The following CNTNAP2 variants were observed in gnomAD, a reference collection of about 807,000 sequenced individuals.
CNTNAP2 encodes the protein contactin associated protein 2, also known as contactin-associated protein-like 2.
Under a neutral mutation model 155.2 loss-of-function variants are expected in CNTNAP2, and 98 were observed. The ratio of observed to expected loss-of-function variants is 0.63; its 90% CI spans 0.54 to 0.75. The LOEUF is 0.75. Ranked by LOEUF, CNTNAP2 falls within the 30% of genes least tolerant of loss-of-function variation. CNTNAP2 has a pLI of 0.00. For synonymous variants in CNTNAP2, 651 were observed against 631.2 expected, an observed-to-expected ratio of 1.03 and a Z score of -0.47; for missense variants, 1,727 against 1,688.1, an observed-to-expected ratio of 1.02 and a Z score of -0.40.
intron 13 of CNTNAP2, among the ~76,000 whole-genome samples, chr7:147,814,312 A>G (rs942842585): frequency 1.3e-5 from 2 of 152,182 alleles, no homozygotes; most frequent in African/African-American, 4.8e-5. Context: ...CTTTTGTTAC[A>G]TGATTTTCAT....
At chr7:146,434,217 C>T (rs1205977076) in intron 1 of CNTNAP2, among the ~76,000 whole-genome samples, 1 of 152,104 alleles carries the variant, frequency 6.6e-6, no homozygotes, top group Non-Finnish European at 1.5e-5. Flanking sequence ...GAGAGAATTA[C>T]ACTGTGAGGT....
intron 1 of CNTNAP2, among the ~76,000 whole-genome samples, chr7:146,536,970 T>C (rs775141655): frequency 2.0e-5 from 3 of 152,156 alleles, no homozygotes; most frequent in Non-Finnish European, 2.9e-5. Context: ...ATTAGCTGTT[T>C]TTCAATAGTG....
chr7:146,642,143 T>C (rs968776590), intron 1 of CNTNAP2, among the ~76,000 whole-genome samples: 39 of 151,972 alleles, frequency 2.6e-4, no homozygotes, highest in African/African-American at 9.1e-4. Flanking sequence ...TATTTTTTTA[T>C]TTTTTATTTT....
At chr7:146,745,574 C>T (rs866648537) in intron 1 of CNTNAP2, among the ~76,000 whole-genome samples, 2 of 151,980 alleles carry the variant, frequency 1.3e-5, no homozygotes, top group South Asian at 4.2e-4. Context: ...CGAGACCATC[C>T]TGGCCAACAT....
intron 2 of CNTNAP2, among the ~76,000 whole-genome samples, chr7:146,787,231 C>T (rs1802589378): frequency 6.6e-6 from 1 of 152,170 alleles, no homozygotes; most frequent in Admixed American, 6.5e-5. Context: ...GTTAAAATCA[C>T]GTGCTTCTGA....
At position 146,437,882 on chromosome 7, in the gene CNTNAP2, T is replaced by A. The variant is rs529198798; in HGVS notation, c.97+320909T>A. Among the ~76,000 whole-genome samples, 279 of 39,824 alleles carry A rather than the reference T, an allele frequency of 7.0e-3. 12 individuals carry two copies. In the African/African-American group the frequency reaches 0.13, roughly 18 times the overall value. 26.1% of individuals were successfully genotyped at this position (39,824 alleles called of 152,430 possible). ...ACTCATGTGCAATTCCCCAATCTCG[T>A]TTTTTTTTTTGTTTGTTTTTGTCCC... On this transcript the variant is annotated intron_variant, in intron 1 of 23. Transcript: ENST00000361727.
intron 3 of CNTNAP2, among the ~76,000 whole-genome samples, chr7:146,931,425 G>A (rs530506940): frequency 0.035 from 4,779 of 137,902 alleles, 101 homozygotes; most frequent in African/African-American, 0.08. Flanking sequence ...TCTCTGGGAC[G>A]CATTCAAAGC....
At chr7:146,600,362 C>A (rs1054794421) in intron 1 of CNTNAP2, among the ~76,000 whole-genome samples, 1 of 152,036 alleles carries the variant, frequency 6.6e-6, no homozygotes, top group African/African-American at 2.4e-5. Flanking sequence ...CATTAGTACC[C>A]AACTTAAAAA....
At chr7:147,928,234 G>A (rs755590807) in intron 14 of CNTNAP2, among the ~76,000 whole-genome samples, 16 of 151,912 alleles carry the variant, frequency 1.1e-4, no homozygotes, top group African/African-American at 2.7e-4. Flanking sequence ...ACCCAGTCTC[G>A]GGTAATTAGC....
At chr7:146,791,329 C>G (rs1443061289) in intron 2 of CNTNAP2, among the ~76,000 whole-genome samples, 1 of 152,128 alleles carries the variant, frequency 6.6e-6, no homozygotes, top group Admixed American at 6.6e-5. Context: ...TTTTCTTTAT[C>G]CAGTCTATCA....
chr7:147,410,523 G>A (rs12112534), intron 10 of CNTNAP2, among the ~76,000 whole-genome samples: 19,269 of 152,138 alleles, frequency 0.13, 1,477 homozygotes, highest in East Asian at 0.32. Context: ...ACCTGCACAT[G>A]AGCACCTGAA....
At chr7:147,493,667 A>C (rs1239268741) in intron 11 of CNTNAP2, among the ~76,000 whole-genome samples, 1 of 152,216 alleles carries the variant, frequency 6.6e-6, no homozygotes, top group Non-Finnish European at 1.5e-5. Context: ...CTGGTTCACC[A>C]GGATTGTGAT....
intron 1 of CNTNAP2, among the ~76,000 whole-genome samples, chr7:146,349,499 G>T (rs1420746138): frequency 6.6e-6 from 1 of 152,050 alleles, no homozygotes; most frequent in Admixed American, 6.6e-5. Flanking sequence ...TGTGTATTTG[G>T]TCCTGTCATT....
intron 11 of CNTNAP2, among the ~76,000 whole-genome samples, chr7:147,499,974 A>AT (rs1416216723): frequency 1.3e-5 from 2 of 152,192 alleles, no homozygotes; most frequent in Non-Finnish European, 2.9e-5. Flanking sequence ...AAATGTATCT[A>AT]TTTTTAAAGT....
At chr7:146,948,716 A>C (rs1797243992) in intron 3 of CNTNAP2, among the ~76,000 whole-genome samples, 1 of 152,220 alleles carries the variant, frequency 6.6e-6, no homozygotes, top group Non-Finnish European at 1.5e-5. Flanking sequence ...GTGTTGAATT[A>C]AATACATTCC....
intron 21 of CNTNAP2, among the ~76,000 whole-genome samples, chr7:148,316,544 A>C (rs1400560575): frequency 1.3e-5 from 2 of 152,228 alleles, no homozygotes; most frequent in Non-Finnish European, 2.9e-5. Context: ...AGGTAGGCAC[A>C]AATAATACCC....
chr7:147,494,138 A>T (rs1028429551), intron 11 of CNTNAP2, among the ~76,000 whole-genome samples: 11 of 152,108 alleles, frequency 7.2e-5, no homozygotes, highest in Non-Finnish European at 1.0e-4. Context: ...CAGCTCCTTT[A>T]CTCTCATATT....
chr7:146,759,239 C>T (rs1490481932), intron 1 of CNTNAP2, among the ~76,000 whole-genome samples: 1 of 152,090 alleles, frequency 6.6e-6, no homozygotes, highest in Non-Finnish European at 1.5e-5. Context: ...CCCCCAGATG[C>T]CCAGAGCATT....
chr7:147,348,505 C>A (rs1795916406), intron 9 of CNTNAP2, among the ~76,000 whole-genome samples: 1 of 151,882 alleles, frequency 6.6e-6, no homozygotes, highest in South Asian at 2.1e-4. Context: ...CAAATGCTCA[C>A]AAGTATGAAG....
Sources: allele counts gnomAD v4.1 joint callset (sites outside exome capture counted in the v4.1 genomes callset), GRCh38; gene constraint gnomAD v4.1.1; transcripts MANE v1.5; gene names NCBI Gene and HGNC (gene_info 2026-07-23, HGNC 2026-07-21).